CCDC33: variants seen among roughly 807,000 people sequenced by gnomAD.
The protein encoded by CCDC33 is coiled-coil domain-containing protein 33.
CCDC33 carries 94 observed loss-of-function variants against 91.9 expected under a neutral mutation model. The observed-to-expected ratio is 1.02, with a 90% CI of 0.87 to 1.21. CCDC33 has a LOEUF of 1.21. Ranked by LOEUF, CCDC33 falls within the 50% of genes most tolerant of loss-of-function variation. CCDC33 has a pLI of 0.00. For synonymous variants in CCDC33, 396 were observed against 374.5 expected, an observed-to-expected ratio of 1.06 and a Z score of -0.66; for missense variants, 940 against 935.5, an observed-to-expected ratio of 1.00 and a Z score of -0.06.
At position 74,287,949 on chromosome 15, in the gene CCDC33, C is replaced by T. The variant is rs146486645; in HGVS notation, c.1095+6100C>T. 3.8e-3 allele frequency among the ~76,000 whole-genome samples: 576 copies of T among 152,290 alleles called. 5 individuals are homozygous for T. Among genetic ancestry groups the T allele is most frequent in the African/African-American group, 0.013 (555 of 41,558 alleles). Reference sequence around the variant, plus strand: ...CTCCTGCGCTGCCATGACGGAGGCTCCTACCTGCTTTCCACAATGCCTGAA... The same window carrying T: ...CTCCTGCGCTGCCATGACGGAGGCTTCTACCTGCTTTCCACAATGCCTGAA... On this transcript the variant is annotated intron_variant, in intron 10 of 18. Transcript: ENST00000398814.
chr15:74,285,619 C>G (rs1362744844), intron 10 of CCDC33, among the ~76,000 whole-genome samples: 6 of 151,942 alleles, frequency 3.9e-5, no homozygotes, highest in Non-Finnish European at 7.4e-5. Flanking sequence ...CATAGTCAGC[C>G]AACACTTTTG....
intron 2 of CCDC33, among the ~76,000 whole-genome samples, chr15:74,256,396 T>C (rs1288340055): frequency 1.3e-5 from 2 of 148,876 alleles, no homozygotes; most frequent in Non-Finnish European, 3.0e-5. Context: ...ACGTTCCTCC[T>C]GCCCTAAGGC....
intron 12 of CCDC33, 30 bp downstream of exon 12, chr15:74,330,384 C>G: frequency 6.5e-7 from 1 of 1,530,730 alleles, no homozygotes; most frequent in Non-Finnish European, 8.8e-7. Context: ...CAAGGGCACC[C>G]GGGCTTCTGC....
intron 11 of CCDC33, among the ~76,000 whole-genome samples, chr15:74,318,208 G>A (rs1167296071): frequency 6.6e-6 from 1 of 151,958 alleles, no homozygotes; most frequent in African/African-American, 2.4e-5. Flanking sequence ...GGGGAGACAG[G>A]GTATGGGGGT....
chr15:74,252,441 C>T (rs2075737786), intron 2 of CCDC33, among the ~76,000 whole-genome samples: 1 of 152,160 alleles, frequency 6.6e-6, no homozygotes, highest in East Asian at 1.9e-4. Context: ...TGGGATAGTC[C>T]CAGGAATAAG....
At chr15:74,231,208 A>T (rs1386948553) in intron 2 of CCDC33, among the ~76,000 whole-genome samples, 4 of 152,196 alleles carry the variant, frequency 2.6e-5, no homozygotes, top group African/African-American at 9.7e-5. Flanking sequence ...AGCAGCCTGC[A>T]TCTAACAGGC....
intron 3 of CCDC33, among the ~76,000 whole-genome samples, chr15:74,264,981 ACCTTCAGTG>A: frequency 6.6e-6 from 1 of 152,042 alleles, no homozygotes; most frequent in Non-Finnish European, 1.5e-5. Context: ...CAACCTCAAC[ACCTTCAGTG>A]CCCTCTCCCC....
At chr15:74,261,657 CAGA>C (rs2076027232) in intron 2 of CCDC33, among the ~76,000 whole-genome samples, 1 of 152,206 alleles carries the variant, frequency 6.6e-6, no homozygotes, top group Admixed American at 6.5e-5. Flanking sequence ...ACCTCTTCTA[CAGA>C]AGAAGTATTC....
At chr15:74,263,042 T>G (rs532152012) in intron 3 of CCDC33, among the ~76,000 whole-genome samples, 1 of 152,340 alleles carries the variant, frequency 6.6e-6, no homozygotes, top group South Asian at 2.1e-4. Context: ...TTACTGCAGC[T>G]CCAGGGTTCC....
In CCDC33 at chr15:74,260,656, G is replaced by C. The variant is rs561017496; in HGVS notation, c.186-1784G>C. On this transcript the variant is annotated intron_variant, in intron 2 of 18. Transcript: ENST00000398814. ...AGATGATCTCGCCAGGATAAACGCG[G>C]GCTCCAAACCCAGCTCTGAATCATT... Among the ~76,000 whole-genome samples the C allele has an allele frequency of 2.0e-5, 3 of 152,218 alleles. No homozygotes were observed. In the South Asian group the frequency reaches 6.2e-4, roughly 32 times the overall value.
At chr15:74,225,152 G>A (rs954023734) in intron 2 of CCDC33, among the ~76,000 whole-genome samples, 1 of 151,308 alleles carries the variant, frequency 6.6e-6, no homozygotes, top group African/African-American at 2.4e-5. Context: ...GTGTGTGTGT[G>A]TGTGACAGAG....
At chr15:74,238,774 G>A (rs969816692) in intron 1 of CCDC33, among the ~76,000 whole-genome samples, 1 of 152,110 alleles carries the variant, frequency 6.6e-6, no homozygotes, top group Non-Finnish European at 1.5e-5. Context: ...ATGAGTTCAG[G>A]GGGGCATCCA....
chr15:74,204,934 C>CA (rs1006130543), intron 1 of CCDC33, among the ~76,000 whole-genome samples: 15 of 125,990 alleles, frequency 1.2e-4, no homozygotes, highest in South Asian at 5.0e-4. Flanking sequence ...AACTCCATCT[C>CA]AAAAAAAAAG....
At position 74,207,764 on chromosome 15, in the gene CCDC33, G is replaced by A. The variant is rs12915846; in HGVS notation, n.90-1624G>A. 0.24 allele frequency: 372,707 copies of A among 1,535,478 alleles called. 47,077 individuals carry two copies. Among genetic ancestry groups the A allele is most frequent in the East Asian group, 0.3 (12,447 of 40,890 alleles). On this transcript the variant is annotated intron_variant and non_coding_transcript_variant, in intron 1 of 3. Transcript: ENST00000558645. ...GAGAGAGTCAACCTCATGCGGGCCC[G>A]TGAGCTTGGGGTGTGCCCTCAGTGG...
At position 74,268,468 on chromosome 15, in the gene CCDC33, C is replaced by A; in HGVS notation, c.546+10C>A. 1.5e-6 allele frequency: 2 copies of A among 1,359,302 alleles called. No homozygotes were observed. The highest frequency in any genetic ancestry group is 1.2e-5 in the South Asian group (1 of 80,062). 84.2% of individuals were successfully genotyped at this position (1,359,302 alleles called of 1,614,324 possible). On this transcript the variant is annotated intron_variant, in intron 5 of 18. Coordinates refer to ENST00000398814, the MANE Select transcript of CCDC33 (RefSeq NM_025055.5). ...CCACATGGCTCTGGAGGTACCAGGG[C>A]TGGGGCCCTCTGGGGTGGTGGTGGG...
intron 10 of CCDC33, among the ~76,000 whole-genome samples, chr15:74,282,563 A>C (rs1019593955): frequency 2.0e-5 from 3 of 152,226 alleles, no homozygotes; most frequent in Admixed American, 6.5e-5. Context: ...TGGTGTGATA[A>C]GGTCAGGCCA....
chr15:74,320,796 T>C (rs2060191729), intron 11 of CCDC33, among the ~76,000 whole-genome samples: 1 of 152,176 alleles, frequency 6.6e-6, no homozygotes, highest in African/African-American at 2.4e-5. Context: ...CGCTTCGATA[T>C]CCCACCCAGC....
rs757090698 is a variant in CCDC33 at position 74,272,865 on chromosome 15, C to T, written c.733C>T (p.Arg245Cys). The T allele has an allele frequency of 5.6e-6, 9 of 1,614,084 alleles. No individual in the cohort carries two copies. The African/African-American group carries it at 6.7e-5, about 12-fold the overall frequency. Reference protein sequence around the residue: ...IPSMMNFDVPRVSQNGCPQLS... With the variant: ...IPSMMNFDVPCVSQNGCPQLS... ...GTCCATGATGAACTTTGACGTGCCT[C>T]GCGTCAGCCAGAACGGATGCCCTCA... The change falls in exon 7 of 19, where the codon CGC (arginine) becomes TGC (cysteine). Residue 245 changes from arginine (R) to cysteine (C), a missense_variant. Transcript: ENST00000398814.
At chr15:74,253,995 G>A (rs1303578976) in intron 2 of CCDC33, among the ~76,000 whole-genome samples, 2 of 152,040 alleles carry the variant, frequency 1.3e-5, no homozygotes, top group Admixed American at 1.3e-4. Flanking sequence ...CATTACAGGT[G>A]TGAGCCACCC....
Sources: gnomAD v4.1 joint callset for allele counts (sites outside exome capture counted in the v4.1 genomes callset) on GRCh38, gnomAD v4.1.1 for gene constraint, MANE v1.5 for transcripts, NCBI Gene and HGNC (gene_info 2026-07-23, HGNC 2026-07-21) for gene names.